Variants in FOXJ3 observed in about 807,000 individuals in gnomAD.
FOXJ3 encodes the protein forkhead box protein J3.
Under a neutral mutation model 76.1 loss-of-function variants are expected in FOXJ3, and 22 were observed. The observed-to-expected ratio is 0.29, with a 90% CI of 0.21 to 0.41. The LOEUF (loss-of-function observed/expected upper bound fraction) is 0.41, where lower values mean the gene tolerates loss of function less well. Ranked by LOEUF, FOXJ3 falls within the 10% of genes least tolerant of loss-of-function variation. The pLI, the probability that FOXJ3 is intolerant of heterozygous loss-of-function variation, is 1.00. For missense variants in FOXJ3, 613 were observed against 762.1 expected (o/e 0.80, Z 2.30); for synonymous variants, 269 against 261.2 (o/e 1.03, Z -0.29).
At chr1:42,213,008 TAA>T (rs1311267420) in intron 5 of FOXJ3, among the ~76,000 whole-genome samples, 1 of 77,368 alleles carries the variant, frequency 1.3e-5, no homozygotes, top group Non-Finnish European at 2.9e-5. Flanking sequence ...GAAGGAGAAA[TAA>T]AGTCTCTCAG....
chr1:42,243,394 A>C (rs1470929174), intron 4 of FOXJ3, among the ~76,000 whole-genome samples: 1 of 152,248 alleles, frequency 6.6e-6, no homozygotes, highest in Non-Finnish European at 1.5e-5. Context: ...ACAGAATGAC[A>C]GAAATAAATC....
intron 11 of FOXJ3, among the ~76,000 whole-genome samples, chr1:42,183,712 G>GA (rs1419573579): frequency 1.3e-5 from 2 of 152,140 alleles, no homozygotes; most frequent in African/African-American, 2.4e-5. Context: ...AAAAAGAGTA[G>GA]AAAAAATCTT....
chr1:42,255,744 C>T (rs1021271607), intron 4 of FOXJ3, among the ~76,000 whole-genome samples: 26 of 152,118 alleles, frequency 1.7e-4, no homozygotes, highest in South Asian at 6.2e-4. Context: ...AATTAAGTGC[C>T]GGATGTGGTG....
chr1:42,301,376 T>C (rs949755841), intron 2 of FOXJ3, among the ~76,000 whole-genome samples: 1 of 151,998 alleles, frequency 6.6e-6, no homozygotes, highest in Non-Finnish European at 1.5e-5. Flanking sequence ...TTTTTTTGTA[T>C]TTTTAGTAGA....
intron 4 of FOXJ3, among the ~76,000 whole-genome samples, chr1:42,237,405 CATAT>C (rs60560055): frequency 0.04 from 5,575 of 140,680 alleles, 179 homozygotes; most frequent in Admixed American, 0.097. Context: ...TACATACATA[CATAT>C]ATATATATAT....
At chr1:42,308,030 C>G (rs547202771) in intron 2 of FOXJ3, among the ~76,000 whole-genome samples, 1 of 152,206 alleles carries the variant, frequency 6.6e-6, no homozygotes, top group East Asian at 1.9e-4. Flanking sequence ...TTCTAACCAA[C>G]AAATTTTTTA....
chr1:42,323,599 C>CA (rs1346525491), intron 1 of FOXJ3: 2 of 543,860 alleles, frequency 3.7e-6, no homozygotes, highest in Non-Finnish European at 4.7e-6. Flanking sequence ...TCATCATAAG[C>CA]AAAAAACACT....
intron 1 of FOXJ3, among the ~76,000 whole-genome samples, chr1:42,324,101 T>TGTATATACA (rs1557725873): frequency 4.4e-5 from 1 of 22,740 alleles, no homozygotes; most frequent in African/African-American, 1.7e-4. Context: ...GTATATATAC[T>TGTATATACA]GTGTATATAC....
chr1:42,239,831 CAACT>C (rs1238286472), intron 4 of FOXJ3, among the ~76,000 whole-genome samples: 1 of 152,090 alleles, frequency 6.6e-6, no homozygotes, highest in Non-Finnish European at 1.5e-5. Context: ...TGAATCCAAC[CAACT>C]ATTTCATTTT....
intron 2 of FOXJ3, among the ~76,000 whole-genome samples, chr1:42,294,942 A>G (rs1313218710): frequency 2.6e-5 from 4 of 152,216 alleles, no homozygotes; most frequent in Non-Finnish European, 4.4e-5. Context: ...TTCCATTTCA[A>G]GAGAATAAAC....
intron 1 of FOXJ3, among the ~76,000 whole-genome samples, chr1:42,316,349 T>TTTTTTTTTTTTTTG (rs1553169820): frequency 7.4e-6 from 1 of 135,090 alleles, no homozygotes; most frequent in African/African-American, 2.6e-5. Context: ...TTTTTTTTTT[T>TTTTTTTTTTTTTTG]CTGTAGAAAC....
chr1:42,294,890 G>A (rs1048968973), intron 2 of FOXJ3, among the ~76,000 whole-genome samples: 3 of 152,052 alleles, frequency 2.0e-5, no homozygotes, highest in Admixed American at 1.3e-4. Flanking sequence ...AGAAGAGTAA[G>A]TACAATGCCT....
intron 5 of FOXJ3, among the ~76,000 whole-genome samples, chr1:42,212,724 G>C (rs752576393): frequency 1.3e-5 from 2 of 151,972 alleles, no homozygotes; most frequent in Non-Finnish European, 2.9e-5. Context: ...GAACTTCTGG[G>C]AGATTCACTG....
intron 1 of FOXJ3, among the ~76,000 whole-genome samples, chr1:42,328,175 A>G (rs915966119): frequency 6.6e-6 from 1 of 152,198 alleles, no homozygotes; most frequent in East Asian, 1.9e-4. Flanking sequence ...ACGCACCTCT[A>G]GTCCCAGCCA....
intron 2 of FOXJ3, among the ~76,000 whole-genome samples, chr1:42,279,345 A>G (rs1652524783): frequency 6.6e-6 from 1 of 152,218 alleles, no homozygotes; most frequent in Non-Finnish European, 1.5e-5. Context: ...AGGCAGTACC[A>G]GGGAGTTACT....
intron 3 of FOXJ3, among the ~76,000 whole-genome samples, chr1:42,269,017 C>T (rs1485003167): frequency 2.6e-5 from 4 of 152,242 alleles, no homozygotes; most frequent in Middle Eastern, 3.4e-3. Flanking sequence ...TTTTGGAATT[C>T]CCAGCCTCCA....
chr1:42,273,173 CTATT>C (rs1651988734), intron 3 of FOXJ3, among the ~76,000 whole-genome samples: 1 of 152,094 alleles, frequency 6.6e-6, no homozygotes, highest in African/African-American at 2.4e-5. Context: ...AATTAGTCAA[CTATT>C]TATAGCACAG....
intron 2 of FOXJ3, among the ~76,000 whole-genome samples, 158 bp downstream of exon 2, chr1:42,310,892 G>C (rs960415916): frequency 3.3e-5 from 5 of 152,104 alleles, no homozygotes; most frequent in African/African-American, 1.2e-4. Flanking sequence ...TCAGTAAGCA[G>C]AAATATCATT....
intron 1 of FOXJ3, among the ~76,000 whole-genome samples, chr1:42,317,066 A>T (rs370228594): frequency 2.6e-5 from 4 of 152,164 alleles, no homozygotes; most frequent in Non-Finnish European, 4.4e-5. Context: ...TTATTTATTT[A>T]AAAAACTGTC....
Sources: gnomAD v4.1 joint callset for allele counts (sites outside exome capture counted in the v4.1 genomes callset) on GRCh38, gnomAD v4.1.1 for gene constraint, MANE v1.5 for transcripts, NCBI Gene and HGNC (gene_info 2026-07-23, HGNC 2026-07-21) for gene names.